Variants in RASSF3 observed in about 807,000 individuals in gnomAD.
RASSF3 encodes Ras association domain family member 3.
RASSF3 carries 19 observed loss-of-function variants against 19.9 expected under a neutral mutation model. That is an observed-to-expected ratio of 0.96 (90% CI 0.67 to 1.40). The LOEUF (loss-of-function observed/expected upper bound fraction) is 1.40, where lower values mean the gene tolerates loss of function less well. Ranked by LOEUF, RASSF3 falls within the 40% of genes most tolerant of loss-of-function variation. The pLI is 0.00. For synonymous variants in RASSF3, 110 were observed against 104.2 expected, an observed-to-expected ratio of 1.06 and a Z score of -0.34; for missense variants, 306 against 289.8, an observed-to-expected ratio of 1.06 and a Z score of -0.41.
intron 1 of RASSF3, among the ~76,000 whole-genome samples, chr12:64,675,832 C>T (rs766359558): frequency 8.6e-5 from 13 of 151,982 alleles, no homozygotes; most frequent in South Asian, 2.1e-4. Flanking sequence ...AAAAGTTGCC[C>T]GCTTACAAGC....
intron 2 of RASSF3, among the ~76,000 whole-genome samples, chr12:64,687,453 T>TTTTTG (rs974782263): frequency 6.6e-6 from 1 of 152,018 alleles, no homozygotes; most frequent in Admixed American, 6.6e-5. Flanking sequence ...AATTTGTTTT[T>TTTTTG]TTTTGTTTTG....
At chr12:64,612,754 A>G (rs1235298861) in intron 1 of RASSF3, among the ~76,000 whole-genome samples, 1 of 152,056 alleles carries the variant, frequency 6.6e-6, no homozygotes, top group Non-Finnish European at 1.5e-5. Flanking sequence ...GGGATTACAG[A>G]TGTGAGCCAC....
chr12:64,683,381 A>G (rs1873208943), intron 1 of RASSF3, among the ~76,000 whole-genome samples: 1 of 152,186 alleles, frequency 6.6e-6, no homozygotes. Context: ...AATGTCATGC[A>G]CTGGTGGGAC....
At chr12:64,509,683 G>T (rs906267002) in intron 1 of RASSF3, among the ~76,000 whole-genome samples, 2 of 152,142 alleles carry the variant, frequency 1.3e-5, no homozygotes, top group African/African-American at 4.8e-5. Context: ...TACCTAGAAA[G>T]TTTGATTATC....
intron 1 of RASSF3, among the ~76,000 whole-genome samples, chr12:64,671,327 G>GGGCCAGGGGCACTGGACCCTCGGCTTT (rs1273437155): frequency 2.0e-5 from 3 of 152,316 alleles, no homozygotes; most frequent in African/African-American, 7.2e-5. Flanking sequence ...TCAGTGAAGT[G>GGGCCAGGGGCACTGGACCCTCGGCTTT]GGCCAGGGGC....
upstream of RASSF3, chr12:64,609,419 T>A (rs1430388270): frequency 7.9e-5 from 12 of 152,206 alleles, no homozygotes; most frequent in Admixed American, 7.9e-4. Flanking sequence ...TGGATGGACA[T>A]TTTCTCTTTT....
chr12:64,588,452 A>G (rs1377199355), intron 2 of RASSF3, among the ~76,000 whole-genome samples: 1 of 152,168 alleles, frequency 6.6e-6, no homozygotes, highest in Non-Finnish European at 1.5e-5. Flanking sequence ...ACAGAGGCAG[A>G]AGCAGGAGGA....
chr12:64,624,625 A>G (rs1870921206), intron 1 of RASSF3, among the ~76,000 whole-genome samples: 1 of 151,574 alleles, frequency 6.6e-6, no homozygotes, highest in African/African-American at 2.4e-5. Flanking sequence ...AACTAGTAGG[A>G]TGCCTGGAAG....
intron 2 of RASSF3, among the ~76,000 whole-genome samples, chr12:64,550,818 CT>C: frequency 3.2e-5 from 1 of 31,098 alleles, no homozygotes; most frequent in Non-Finnish European, 6.0e-5. Flanking sequence ...GAGACTCCAT[CT>C]CAAAAAAAAA....
intron 1 of RASSF3, among the ~76,000 whole-genome samples, chr12:64,614,949 T>C (rs1870501668): frequency 1.3e-5 from 2 of 151,974 alleles, no homozygotes; most frequent in Admixed American, 1.3e-4. Context: ...TCTGCCCTCC[T>C]TGGCCTCCCA....
chr12:64,604,740 T>C (rs1030841914), intron 2 of RASSF3, among the ~76,000 whole-genome samples: 35 of 150,828 alleles, frequency 2.3e-4, no homozygotes, highest in African/African-American at 8.0e-4. Context: ...CGGGTTCACG[T>C]CATTCTCCTG....
upstream of RASSF3, among the ~76,000 whole-genome samples, chr12:64,608,901 C>T (rs867718362): frequency 1.3e-5 from 2 of 152,186 alleles, no homozygotes; most frequent in African/African-American, 4.8e-5. Flanking sequence ...GAATTCCTGG[C>T]TTCCTATCAT....
Position 64,697,526 on chromosome 12 carries a change from T to C in RASSF3, c.*2614T>C, listed in dbSNP as rs1409006455. ...TTCTCCCCTAAAATAGTTTCTAGAA[T>C]GGCAAAATTGTTTCCATTATTAAAA... On this transcript the variant is annotated 3_prime_UTR_variant, in exon 5 of 5. Transcript: ENST00000542104. 6.6e-6 allele frequency: 1 copy of C among 152,200 alleles called. No individual in the cohort carries two copies. Among genetic ancestry groups the C allele is most frequent in the African/African-American group, 2.4e-5 (1 of 41,456 alleles). 9.4% of individuals were successfully genotyped at this position (152,200 alleles called of 1,614,324 possible).
rs187896736 is a variant in RASSF3 at position 64,621,481 on chromosome 12, G to A, written c.111+10738G>A. Among the ~76,000 whole-genome samples, 437 of 152,008 alleles carry A rather than the reference G, an allele frequency of 2.9e-3. 7 individuals are homozygous for A. The highest frequency in any genetic ancestry group is 2.2e-3 in the Non-Finnish European group (147 of 67,952). ...TACCAAAAGGATATTACATATTCAG[G>A]CTTTCATTTTTTTAAGATGGAGTTT... is the stretch of plus-strand genomic sequence containing the variant. On this transcript the variant is annotated intron_variant, in intron 1 of 4. Coordinates refer to ENST00000542104, the MANE Select transcript of RASSF3 (RefSeq NM_178169.4).
intron 2 of RASSF3, among the ~76,000 whole-genome samples, chr12:64,576,711 T>C (rs1869600322): frequency 6.6e-6 from 1 of 151,720 alleles, no homozygotes; most frequent in African/African-American, 2.4e-5. Context: ...ATTATCAGGG[T>C]ATGGTGGCAC....
In RASSF3 at chr12:64,691,554, T is replaced by C; in HGVS notation, c.542T>C (p.Val181Ala). 1 of 1,610,408 alleles carries C rather than the reference T, an allele frequency of 6.2e-7. No individual in the cohort carries two copies. Among genetic ancestry groups the C allele is most frequent in the South Asian group, 1.1e-5 (1 of 90,912 alleles). ...CCCAGAACAGACACACTTAGTTTTG[T>C]TCTTCGTGAACATGAAATTGGAGAG... is the stretch of plus-strand genomic sequence containing the variant. ...AGPRTDTLSF[V>A]LREHEIGEWE... The change falls in exon 4 of 5, where the codon GTT (valine) becomes GCT (alanine). Residue 181 changes from valine (V) to alanine (A), a missense_variant. Val to Ala is a moderately conservative substitution (Grantham distance 64, BLOSUM62 0). Coordinates refer to ENST00000542104, the MANE Select transcript of RASSF3 (RefSeq NM_178169.4).
At chr12:64,644,691 T>G (rs902556905) in intron 1 of RASSF3, among the ~76,000 whole-genome samples, 8 of 72,926 alleles carry the variant, frequency 1.1e-4, no homozygotes, top group Middle Eastern at 0.015. Flanking sequence ...AGACCCTGTC[T>G]CCAACCAAAA....
intron 1 of RASSF3, among the ~76,000 whole-genome samples, chr12:64,646,183 T>G (rs1871727572): frequency 6.6e-6 from 1 of 152,238 alleles, no homozygotes; most frequent in Non-Finnish European, 1.5e-5. Flanking sequence ...GTAGAACGTG[T>G]CCTTTGGTGG....
intron 2 of RASSF3, among the ~76,000 whole-genome samples, chr12:64,561,160 G>A (rs1470454457): frequency 2.6e-5 from 4 of 152,098 alleles, no homozygotes; most frequent in African/African-American, 9.7e-5. Context: ...CCCTGCAGCC[G>A]GAGAGCTGAG....
Sources: gnomAD v4.1 joint callset for allele counts (sites outside exome capture counted in the v4.1 genomes callset) on GRCh38, gnomAD v4.1.1 for gene constraint, MANE v1.5 for transcripts, NCBI Gene and HGNC (gene_info 2026-07-23, HGNC 2026-07-21) for gene names.